ANGPT1: variants seen among roughly 807,000 people sequenced by gnomAD.
ANGPT1 encodes angiopoietin-1.
Under a neutral mutation model 62.2 loss-of-function variants are expected in ANGPT1, and 17 were observed. That is an observed-to-expected ratio of 0.27 (90% confidence interval 0.19 to 0.41). The LOEUF is 0.41. Among genes scored for constraint, ANGPT1 ranks in the 10% least tolerant of loss-of-function variants. The pLI is 1.00. For missense variants in ANGPT1, 478 were observed against 594.9 expected (o/e 0.80, Z 2.04); for synonymous variants, 199 against 198.9 (o/e 1.00, Z 0.00).
chr8:107,471,688 T>C (rs1812363265), intron 1 of ANGPT1, among the ~76,000 whole-genome samples: 1 of 152,060 alleles, frequency 6.6e-6, no homozygotes, highest in Admixed American at 6.6e-5. Context: ...TTGCAGGCCT[T>C]TTACTTTTCA....
At chr8:107,345,139 C>G (rs1468108484) in intron 2 of ANGPT1, among the ~76,000 whole-genome samples, 1 of 152,192 alleles carries the variant, frequency 6.6e-6, no homozygotes, top group Non-Finnish European at 1.5e-5. Context: ...ACTTCCCTCT[C>G]ATTGCTACTT....
At chr8:107,310,146 A>T (rs1445586938) in intron 4 of ANGPT1, among the ~76,000 whole-genome samples, 3 of 152,178 alleles carry the variant, frequency 2.0e-5, no homozygotes, top group Admixed American at 2.0e-4. Context: ...AATAATCATG[A>T]TCATAATAAA....
At chr8:107,489,937 TAAAAA>T (rs201079189) in intron 1 of ANGPT1, among the ~76,000 whole-genome samples, 1 of 138,966 alleles carries the variant, frequency 7.2e-6, no homozygotes, top group South Asian at 2.3e-4. Context: ...CTTGCGGTAT[TAAAAA>T]AAAAAAAAGA....
chr8:107,274,617 G>A (rs1813816350), intron 7 of ANGPT1, among the ~76,000 whole-genome samples: 1 of 152,054 alleles, frequency 6.6e-6, no homozygotes, highest in East Asian at 1.9e-4. Context: ...GGAACTTAAG[G>A]ACATGATACT....
rs915904091 is a variant in ANGPT1, at chr8:107,303,495, A to G, written c.809-128T>C. On this transcript the variant is annotated intron_variant, in intron 4 of 8. Transcript: ENST00000517746. ...AATGTCAATATCGCACATAGTAAAA[A>G]GTCAATCATAAAGACAATACTAGAT... 7.9e-6 allele frequency: 6 copies of G among 759,420 alleles called. No homozygotes were observed. The African/African-American group carries it at 9.0e-5, about 11-fold the overall frequency. The allele number at this position is 759,420 out of a possible 1,614,324, so 47.0% of individuals were successfully genotyped here.
At chr8:107,428,632 T>TTGTGTGTGTG (rs140085272) in intron 1 of ANGPT1, among the ~76,000 whole-genome samples, 6 of 149,306 alleles carry the variant, frequency 4.0e-5, no homozygotes, top group African/African-American at 1.5e-4. Flanking sequence ...TTTTTTCATT[T>TTGTGTGTGTG]TGTGTGTGTG....
chr8:107,313,484 G>A (rs753031475), intron 4 of ANGPT1, among the ~76,000 whole-genome samples: 1 of 110,434 alleles, frequency 9.1e-6, no homozygotes, highest in Middle Eastern at 0.011. Flanking sequence ...CTGTCGCCCA[G>A]GCTGGAGTGC....
chr8:107,328,470 AAAAG>A (rs1206511857), intron 3 of ANGPT1, among the ~76,000 whole-genome samples: 3 of 152,046 alleles, frequency 2.0e-5, no homozygotes, highest in Non-Finnish European at 4.4e-5. Flanking sequence ...CTAAGAAAAA[AAAAG>A]ATTGATACAT....
intron 8 of ANGPT1, among the ~76,000 whole-genome samples, chr8:107,263,921 G>A (rs142095675): frequency 6.6e-6 from 1 of 152,046 alleles, no homozygotes; most frequent in Non-Finnish European, 1.5e-5. Context: ...ATTTTACTAA[G>A]GATATCAAGA....
intron 4 of ANGPT1, among the ~76,000 whole-genome samples, chr8:107,314,247 TG>T (rs1814955622): frequency 1.3e-5 from 2 of 152,190 alleles, no homozygotes; most frequent in Admixed American, 6.5e-5. Flanking sequence ...ACTCTTTTTG[TG>T]GCCTTTTACC....
chr8:107,292,664 A>C (rs1814306935), intron 6 of ANGPT1, among the ~76,000 whole-genome samples: 2 of 152,184 alleles, frequency 1.3e-5, no homozygotes, highest in Non-Finnish European at 2.9e-5. Context: ...CAAACTTTTT[A>C]AACGTGCTTT....
intron 4 of ANGPT1, among the ~76,000 whole-genome samples, chr8:107,317,524 C>T (rs758724605): frequency 2.2e-4 from 34 of 151,542 alleles, no homozygotes; most frequent in Non-Finnish European, 4.1e-4. Context: ...TTTTTACATG[C>T]TGTTAGTAAT....
At chr8:107,390,994 A>T (rs1816823867) in intron 1 of ANGPT1, among the ~76,000 whole-genome samples, 1 of 152,224 alleles carries the variant, frequency 6.6e-6, no homozygotes, top group South Asian at 2.1e-4. Flanking sequence ...TGTGACTCAG[A>T]GTCCCAATGT....
At chr8:107,333,838 G>A (rs1184273889) in intron 3 of ANGPT1, among the ~76,000 whole-genome samples, 1 of 151,062 alleles carries the variant, frequency 6.6e-6, no homozygotes. Flanking sequence ...ACCAGATGCT[G>A]CATAAAAATC....
chr8:107,414,196 G>C (rs1372942812), intron 1 of ANGPT1, among the ~76,000 whole-genome samples: 1 of 152,122 alleles, frequency 6.6e-6, no homozygotes, highest in East Asian at 1.9e-4. Flanking sequence ...GGATGGGAAG[G>C]AGTAAGTGGG....
At chr8:107,438,587 A>G (rs922418101) in intron 1 of ANGPT1, among the ~76,000 whole-genome samples, 24 of 152,176 alleles carry the variant, frequency 1.6e-4, no homozygotes, top group African/African-American at 5.1e-4. Flanking sequence ...ATCTTCAAAG[A>G]CAGCAAATTG....
intron 1 of ANGPT1, among the ~76,000 whole-genome samples, chr8:107,424,077 G>A (rs1745083069): frequency 6.6e-6 from 1 of 151,720 alleles, no homozygotes; most frequent in Non-Finnish European, 1.5e-5. Flanking sequence ...CTGGCCTCAA[G>A]TGATCCGCCC....
At chr8:107,388,666 A>G (rs1318363210) in intron 1 of ANGPT1, among the ~76,000 whole-genome samples, 1 of 152,138 alleles carries the variant, frequency 6.6e-6, no homozygotes, top group Non-Finnish European at 1.5e-5. Flanking sequence ...TTTATTGCAG[A>G]ATTTTCAACG....
intron 1 of ANGPT1, among the ~76,000 whole-genome samples, chr8:107,465,670 A>G (rs1812180466): frequency 6.6e-6 from 1 of 152,152 alleles, no homozygotes; most frequent in African/African-American, 2.4e-5. Flanking sequence ...TAAATGCAAA[A>G]TAGTACTAAA....
Sources: allele counts gnomAD v4.1 joint callset (sites outside exome capture counted in the v4.1 genomes callset), GRCh38; gene constraint gnomAD v4.1.1; transcripts MANE v1.5; gene names NCBI Gene and HGNC (gene_info 2026-07-23, HGNC 2026-07-21).